The following ITGA8 variants were observed in gnomAD, a reference collection of about 807,000 sequenced individuals.
ITGA8 encodes the protein integrin subunit alpha 8, also known as integrin alpha-8.
ITGA8 carries 91 observed loss-of-function variants against 142.3 expected under a neutral mutation model. The observed-to-expected ratio is 0.64, with a 90% CI of 0.54 to 0.76. ITGA8 has a LOEUF of 0.76. ITGA8 is among the 30% of genes least tolerant of loss of function. The pLI, the probability that ITGA8 is intolerant of heterozygous loss-of-function variation, is 0.00. For synonymous variants in ITGA8, 505 were observed against 485.2 expected (o/e 1.04, Z -0.54); for missense variants, 1,406 against 1,327.7 (o/e 1.06, Z -0.92).
chr10:15,604,458 C>A, intron 19 of ITGA8, 103 bp from the exon 20 acceptor site: 2 of 816,124 alleles, frequency 2.5e-6, no homozygotes, highest in South Asian at 2.0e-5. Flanking sequence ...ATGGCAAGTG[C>A]AAAAAAAGAA....
At chr10:15,604,850 G>A (rs1208948452) in intron 19 of ITGA8, among the ~76,000 whole-genome samples, 3 of 152,166 alleles carry the variant, frequency 2.0e-5, no homozygotes, top group Admixed American at 2.0e-4. Flanking sequence ...AGGAAATAAT[G>A]AGAGGGAAGA....
chr10:15,599,829 G>A (rs1056244660), intron 20 of ITGA8, among the ~76,000 whole-genome samples: 4 of 152,170 alleles, frequency 2.6e-5, no homozygotes, highest in African/African-American at 9.7e-5. Context: ...GCTGAGGCAG[G>A]AGAATCGCTT....
At chr10:15,678,883 T>A in intron 4 of ITGA8, 100 bp from the exon 5 acceptor site, 1 of 654,708 alleles carries the variant, frequency 1.5e-6, no homozygotes, top group Non-Finnish European at 2.6e-6. Flanking sequence ...TAGAACCTTC[T>A]AAATTAAAAA....
At chr10:15,538,590 C>T (rs1833502642) in intron 27 of ITGA8, among the ~76,000 whole-genome samples, 1 of 149,458 alleles carries the variant, frequency 6.7e-6, no homozygotes, top group Non-Finnish European at 1.5e-5. Flanking sequence ...AAAGCAGAAT[C>T]TAATTTGAAA....
intron 20 of ITGA8, among the ~76,000 whole-genome samples, chr10:15,602,027 G>A (rs1370638953): frequency 6.6e-6 from 1 of 152,252 alleles, no homozygotes; most frequent in Non-Finnish European, 1.5e-5. Context: ...AATGTTTACA[G>A]CCAAAGATAG....
chr10:15,715,538 G>T (rs546803878), intron 2 of ITGA8, among the ~76,000 whole-genome samples: 2 of 152,204 alleles, frequency 1.3e-5, no homozygotes, highest in South Asian at 4.2e-4. Flanking sequence ...TACGGTCTTG[G>T]GTATACCTTT....
rs193045399 is a variant in ITGA8, at chr10:15,583,028, G to A, written c.2372+3556C>T. On this transcript the variant is annotated intron_variant, in intron 23 of 29. Transcript: ENST00000378076. ...AATGTTCACCAATGAGTGAATGGAT[G>A]AACAATTCACTGGACATCCATCCAT... 7.5e-4 allele frequency among the ~76,000 whole-genome samples: 115 copies of A among 152,320 alleles called. 1 individual carries two copies. The highest frequency in any genetic ancestry group is 2.6e-3 in the African/African-American group (109 of 41,578).
At chr10:15,576,816 A>C (rs1324747565) in intron 23 of ITGA8, among the ~76,000 whole-genome samples, 1 of 152,236 alleles carries the variant, frequency 6.6e-6, no homozygotes, top group East Asian at 1.9e-4. Context: ...TTAAAAACAG[A>C]CAACCCACAG....
chr10:15,570,735 A>T (rs1156759653), intron 25 of ITGA8, among the ~76,000 whole-genome samples: 1 of 152,152 alleles, frequency 6.6e-6, no homozygotes, highest in Non-Finnish European at 1.5e-5. Flanking sequence ...TATTAATACT[A>T]TCGTAGTCAC....
chr10:15,642,539 T>G (rs1275498154), intron 13 of ITGA8, among the ~76,000 whole-genome samples: 1 of 152,190 alleles, frequency 6.6e-6, no homozygotes, highest in African/African-American at 2.4e-5. Context: ...GGGACCTAGA[T>G]TTTTGAATTA....
intron 23 of ITGA8, among the ~76,000 whole-genome samples, chr10:15,580,939 A>T (rs1028199357): frequency 2.0e-5 from 3 of 152,206 alleles, no homozygotes; most frequent in African/African-American, 7.2e-5. Context: ...TAAGGGAAGA[A>T]AAAAAATGAA....
chr10:15,592,257 G>C lies in ITGA8; in HGVS notation c.2259C>G (p.Asn753Lys). 6.2e-7 allele frequency: 1 copy of C among 1,613,866 alleles called. No individual in the cohort carries two copies. The change falls in exon 22 of 30, where the codon AAC becomes AAG. Residue 753 changes from asparagine (N) to lysine (K), a missense_variant. By Grantham distance (94) the Asn-to-Lys change is moderately conservative. Coordinates refer to ENST00000378076, the MANE Select transcript of ITGA8 (RefSeq NM_003638.3). ...TTTGGAGATCGAAGTTAATGCTCAT[G>C]TTTGTTTTCTCAAGACGTGGAACTG... is the stretch of plus-strand genomic sequence containing the variant. ...RFAVPRLEKT[N>K]MSINFDLQIR...
chr10:15,650,781 GTTAT>G (rs1834071073), intron 11 of ITGA8, among the ~76,000 whole-genome samples: 1 of 151,930 alleles, frequency 6.6e-6, no homozygotes, highest in African/African-American at 2.4e-5. Flanking sequence ...TCAGAATTTA[GTTAT>G]TTATTAAAAG....
chr10:15,575,610 T>C lies in ITGA8; in HGVS notation c.2373-16A>G. 2 of 1,592,538 alleles carry C rather than the reference T, an allele frequency of 1.3e-6. No individual in the cohort carries two copies. Among genetic ancestry groups the C allele is most frequent in the Non-Finnish European group, 1.7e-6 (2 of 1,160,548 alleles). The stretch of plus-strand genomic sequence containing the variant: ...GTGTGACACTCTGAAACATGAAATG[T>C]CCTGTTAATTGTTAGCAATGGCCCA... On this transcript the variant is annotated splice_polypyrimidine_tract_variant and intron_variant, in intron 23 of 29. Transcript: ENST00000378076.
intron 9 of ITGA8, among the ~76,000 whole-genome samples, 196 bp from the exon 10 acceptor site, chr10:15,659,251 A>G (rs1834242105): frequency 6.6e-6 from 1 of 152,164 alleles, no homozygotes; most frequent in East Asian, 1.9e-4. Flanking sequence ...TTTATGGTTA[A>G]GTCTGGGATG....
At chr10:15,679,574 T>C (rs1834697751) in intron 4 of ITGA8, among the ~76,000 whole-genome samples, 2 of 152,070 alleles carry the variant, frequency 1.3e-5, no homozygotes, top group African/African-American at 4.8e-5. Flanking sequence ...AGAGCAAGAC[T>C]CCAACTCAAA....
Position 15,683,877 on chromosome 10 carries a change from C to T in ITGA8, c.568+127G>A, listed in dbSNP as rs569990272. ...CTGTAAGGCTGACAAAAATCTTTAC[C>T]TACCCCCGAAGCTTTTTCCTTGCAA... On this transcript the variant is annotated intron_variant, in intron 4 of 29. Transcript: ENST00000378076. 14 of 1,037,552 alleles carry T rather than the reference C, an allele frequency of 1.3e-5. No individual in the cohort carries two copies. The East Asian group carries it at 3.2e-4, about 23-fold the overall frequency. 64.3% of individuals were successfully genotyped at this position (1,037,552 alleles called of 1,614,324 possible). A position where few individuals can be genotyped will look rare whatever the true frequency, so the allele number is the denominator to read the frequency against.
intron 10 of ITGA8, among the ~76,000 whole-genome samples, chr10:15,656,404 C>T (rs966816040): frequency 9.2e-5 from 14 of 151,802 alleles, no homozygotes; most frequent in Non-Finnish European, 1.9e-4. Flanking sequence ...CGCTCTGTTG[C>T]CCAGGCTGGA....
intron 2 of ITGA8, among the ~76,000 whole-genome samples, chr10:15,716,967 A>C (rs1314242508): frequency 6.6e-6 from 1 of 152,056 alleles, no homozygotes; most frequent in African/African-American, 2.4e-5. Context: ...TGGCCTACCT[A>C]TTGTAATTTA....
Sources: allele counts gnomAD v4.1 joint callset (sites outside exome capture counted in the v4.1 genomes callset), GRCh38; gene constraint gnomAD v4.1.1; transcripts MANE v1.5; gene names NCBI Gene and HGNC (gene_info 2026-07-23, HGNC 2026-07-21).